KCNIP4: variants seen among roughly 807,000 people sequenced by gnomAD.
KCNIP4 encodes the protein Kv channel-interacting protein 4.
In KCNIP4, 12 loss-of-function variants were observed where a neutral mutation model predicts 34.0. That is an observed-to-expected ratio of 0.35 (90% CI 0.23 to 0.57). The LOEUF (loss-of-function observed/expected upper bound fraction) is 0.57, where lower values mean the gene tolerates loss of function less well. KCNIP4 is among the 20% of genes least tolerant of loss of function. The probability of loss-of-function intolerance (pLI) is 0.83; values close to 1 mark genes in which losing one functional copy is unlikely to be tolerated. For missense variants in KCNIP4, 238 were observed against 311.7 expected (o/e 0.76, Z 1.78); for synonymous variants, 124 against 102.2 (o/e 1.21, Z -1.29).
chr4:21,134,694 A>G (rs1375501643), intron 1 of KCNIP4, among the ~76,000 whole-genome samples: 2 of 151,944 alleles, frequency 1.3e-5, no homozygotes, highest in East Asian at 3.9e-4. Flanking sequence ...TTCCTGTTCC[A>G]TTTCCTCTAC....
intron 1 of KCNIP4, among the ~76,000 whole-genome samples, chr4:21,601,340 C>T (rs1461903392): frequency 6.6e-6 from 1 of 152,002 alleles, no homozygotes; most frequent in Non-Finnish European, 1.5e-5. Context: ...TTTACCCCAA[C>T]TAATCTCCAT....
chr4:21,196,157 T>C (rs1173363726), intron 1 of KCNIP4, among the ~76,000 whole-genome samples: 1 of 152,224 alleles, frequency 6.6e-6, no homozygotes, highest in Non-Finnish European at 1.5e-5. Flanking sequence ...TTATCATTAG[T>C]CCACAAGCTA....
chr4:20,756,589 G>T (rs1280467731), intron 4 of KCNIP4, among the ~76,000 whole-genome samples: 1 of 151,844 alleles, frequency 6.6e-6, no homozygotes, highest in African/African-American at 2.4e-5. Flanking sequence ...TCTATTGGTT[G>T]TCGCTGTTTT....
intron 2 of KCNIP4, among the ~76,000 whole-genome samples, chr4:20,861,994 AT>A (rs1251891359): frequency 6.7e-6 from 1 of 149,148 alleles, no homozygotes; most frequent in African/African-American, 2.5e-5. Flanking sequence ...TATTATTATT[AT>A]TATTATTATT....
chr4:20,847,936 T>C (rs1578764886), intron 3 of KCNIP4, among the ~76,000 whole-genome samples: 1 of 152,090 alleles, frequency 6.6e-6, no homozygotes, highest in African/African-American at 2.4e-5. Flanking sequence ...GTAATTGGTG[T>C]TTAGGGAACC....
intron 1 of KCNIP4, among the ~76,000 whole-genome samples, chr4:21,901,207 T>G (rs1256392593): frequency 6.6e-6 from 1 of 152,168 alleles, no homozygotes; most frequent in Non-Finnish European, 1.5e-5. Context: ...AAGTGCAAAG[T>G]GAGGGGGTGG....
At position 21,376,294 on chromosome 4, in the gene KCNIP4, T is replaced by A. The variant is rs562864429; in HGVS notation, c.62-493585A>T. ...TAGTTTTCCTTAAAGTAGAAATGGT[T>A]TCCATTTACTCCCTTCAAGATAAAA... On this transcript the variant is annotated intron_variant, in intron 1 of 8. Transcript: ENST00000382152. Among the ~76,000 whole-genome samples the A allele has an allele frequency of 3.5e-4, 54 of 152,296 alleles. 1 individual carries two copies. Among genetic ancestry groups the A allele is most frequent in the Non-Finnish European group, 5.9e-5 (4 of 68,034 alleles).
Position 21,877,422 on chromosome 4 carries a change from T to C in KCNIP4, c.61+71149A>G, listed in dbSNP as rs181902084. On this transcript the variant is annotated intron_variant, in intron 1 of 8. Coordinates refer to ENST00000382152, the MANE Select transcript of KCNIP4 (RefSeq NM_025221.6). The stretch of plus-strand genomic sequence containing the variant: ...TACCATTGTCATTAAATGTATAACA[T>C]AGGACCAAGGTTGGTTTTATGGTGT... Among the ~76,000 whole-genome samples the C allele has an allele frequency of 2.5e-4, 38 of 152,322 alleles. No homozygotes were observed. In the East Asian group the frequency reaches 7.1e-3, roughly 29 times the overall value.
chr4:21,862,239 GT>G (rs893891109), intron 1 of KCNIP4, among the ~76,000 whole-genome samples: 1 of 152,136 alleles, frequency 6.6e-6, no homozygotes, highest in African/African-American at 2.4e-5. Flanking sequence ...CATCTATCTA[GT>G]TAGCATGCTT....
At chr4:21,524,790 A>G (rs934204875) in intron 1 of KCNIP4, among the ~76,000 whole-genome samples, 2 of 150,994 alleles carry the variant, frequency 1.3e-5, no homozygotes, top group Non-Finnish European at 2.9e-5. Context: ...TTGCTTGACT[A>G]GTGATTTTTT....
intron 1 of KCNIP4, among the ~76,000 whole-genome samples, chr4:21,176,627 A>T (rs1754431007): frequency 1.3e-5 from 2 of 152,138 alleles, no homozygotes; most frequent in South Asian, 4.2e-4. Context: ...GGTACAACAA[A>T]CTCTCCTGCC....
intron 1 of KCNIP4, chr4:21,304,123 GGAGA>G (rs961045711): frequency 1.4e-5 from 7 of 514,574 alleles, no homozygotes; most frequent in Non-Finnish European, 1.8e-5. Flanking sequence ...GGAGAGAGAG[GGAGA>G]GAGAGAGAGA....
chr4:20,967,260 T>A (rs2149670714), intron 1 of KCNIP4, among the ~76,000 whole-genome samples: 1 of 152,192 alleles, frequency 6.6e-6, no homozygotes. Context: ...GGCCTGCCTC[T>A]TATGAAAGAT....
chr4:21,135,543 A>C (rs1423525078), intron 1 of KCNIP4, among the ~76,000 whole-genome samples: 1 of 152,224 alleles, frequency 6.6e-6, no homozygotes, highest in Non-Finnish European at 1.5e-5. Context: ...AAAATTGGCA[A>C]GTCCTACTGA....
intron 1 of KCNIP4, among the ~76,000 whole-genome samples, chr4:20,900,322 G>A (rs1489401775): frequency 6.6e-6 from 1 of 152,106 alleles, no homozygotes; most frequent in Non-Finnish European, 1.5e-5. Flanking sequence ...TGAAACCCGG[G>A]GATGATCAGA....
chr4:21,938,503 G>C (rs560006154), intron 1 of KCNIP4, among the ~76,000 whole-genome samples: 1 of 152,076 alleles, frequency 6.6e-6, no homozygotes, highest in African/African-American at 2.4e-5. Context: ...TCTTTTCTAC[G>C]TAAGGTTTGT....
intron 1 of KCNIP4, among the ~76,000 whole-genome samples, chr4:21,673,341 C>G (rs1247671756): frequency 6.6e-6 from 1 of 152,162 alleles, no homozygotes; most frequent in African/African-American, 2.4e-5. Context: ...CTTCTTGGTT[C>G]TCTTAGTTGA....
At chr4:21,372,802 A>C (rs188745466) in intron 1 of KCNIP4, among the ~76,000 whole-genome samples, 1 of 146,514 alleles carries the variant, frequency 6.8e-6, no homozygotes, top group East Asian at 2.0e-4. Context: ...ATACTAGATC[A>C]GGCAGTTTTT....
At chr4:21,619,111 G>C (rs781548780) in intron 1 of KCNIP4, among the ~76,000 whole-genome samples, 10 of 151,990 alleles carry the variant, frequency 6.6e-5, no homozygotes, top group Non-Finnish European at 1.2e-4. Context: ...TGGAGTGATT[G>C]GATAATTAAC....
Sources: gnomAD v4.1 joint callset for allele counts (sites outside exome capture counted in the v4.1 genomes callset) on GRCh38, gnomAD v4.1.1 for gene constraint, MANE v1.5 for transcripts, NCBI Gene and HGNC (gene_info 2026-07-23, HGNC 2026-07-21) for gene names.